TCF12: variants seen among roughly 807,000 people sequenced by gnomAD.
TCF12 encodes the protein DNA-binding protein HTF4.
TCF12 carries 45 observed loss-of-function variants against 86.0 expected under a neutral mutation model. The ratio of observed to expected loss-of-function variants is 0.52; its 90% CI spans 0.41 to 0.67. The LOEUF (loss-of-function observed/expected upper bound fraction) is 0.67, where lower values mean the gene tolerates loss of function less well. TCF12 is among the 30% of genes least tolerant of loss of function. The pLI is 0.00. For synonymous variants in TCF12, 330 were observed against 299.6 expected (o/e 1.10, Z -1.05); for missense variants, 881 against 859.9 (o/e 1.02, Z -0.31).
At chr15:56,918,322 G>C (rs952502310), upstream of TCF12, 2 of 452,602 alleles carry the variant, frequency 4.4e-6, no homozygotes, top group Non-Finnish European at 8.9e-6. Context: ...TTCGGGGGCC[G>C]AGAACCAGCA....
intron 12 of TCF12, among the ~76,000 whole-genome samples, chr15:57,236,028 G>C (rs549361354): frequency 6.6e-6 from 1 of 152,186 alleles, no homozygotes; most frequent in African/African-American, 2.4e-5. Flanking sequence ...AATCTAGTTA[G>C]TGGGTGGGCT....
rs1011719310 is a variant in TCF12 at position 57,163,341 on chromosome 15, G to A, written c.326-3061G>A. Reference sequence around the variant, plus strand: ...ATACATGTCATGCTGACTAATTGACGTAGAAGTTTTACAACTCTAAATCTG... The same window carrying A: ...ATACATGTCATGCTGACTAATTGACATAGAAGTTTTACAACTCTAAATCTG... On this transcript the variant is annotated intron_variant, in intron 5 of 20. Transcript: ENST00000333725. Among the ~76,000 whole-genome samples, 9 of 152,060 alleles carry A rather than the reference G, an allele frequency of 5.9e-5. No homozygotes were observed. In the South Asian group the frequency reaches 6.2e-4, roughly 11 times the overall value.
chr15:57,030,185 G>A (rs1312746067), intron 3 of TCF12, among the ~76,000 whole-genome samples: 2 of 151,944 alleles, frequency 1.3e-5, no homozygotes, highest in African/African-American at 2.4e-5. Context: ...TAATTGAGTC[G>A]TGGTCTTGCT....
At chr15:57,068,273 A>T (rs754374940) in intron 4 of TCF12, among the ~76,000 whole-genome samples, 39 of 152,142 alleles carry the variant, frequency 2.6e-4, no homozygotes, top group Non-Finnish European at 5.4e-4. Context: ...TCAATGTCTG[A>T]TATGTGGTGA....
intron 3 of TCF12, among the ~76,000 whole-genome samples, chr15:56,976,726 C>T (rs753167386): frequency 6.6e-6 from 1 of 152,006 alleles, no homozygotes; most frequent in African/African-American, 2.4e-5. Context: ...ACAGTTGAAT[C>T]TTAATCAGAT....
chr15:57,152,219 A>ATATTT (rs2053813032), intron 5 of TCF12, among the ~76,000 whole-genome samples: 2 of 152,188 alleles, frequency 1.3e-5, no homozygotes, highest in African/African-American at 2.4e-5. Flanking sequence ...TAAATATACT[A>ATATTT]CTGTTCTACC....
intron 5 of TCF12, among the ~76,000 whole-genome samples, chr15:57,129,161 G>A (rs1293307884): frequency 6.6e-6 from 1 of 152,180 alleles, no homozygotes; most frequent in Non-Finnish European, 1.5e-5. Context: ...AACTTATGAA[G>A]GTTCCAGTTT....
intron 3 of TCF12, among the ~76,000 whole-genome samples, chr15:57,009,874 G>A (rs2064714456): frequency 6.6e-6 from 1 of 152,072 alleles, no homozygotes. Context: ...ATAACATAAA[G>A]CTCTGTGTGA....
At chr15:57,166,051 C>A (rs1290422765) in intron 5 of TCF12, among the ~76,000 whole-genome samples, 1 of 152,188 alleles carries the variant, frequency 6.6e-6, no homozygotes. Flanking sequence ...CCTCAGCCTC[C>A]TGAGTAGCTG....
intron 8 of TCF12, among the ~76,000 whole-genome samples, chr15:57,205,119 C>T (rs962532351): frequency 2.0e-5 from 3 of 151,940 alleles, no homozygotes; most frequent in African/African-American, 7.3e-5. Context: ...TCGAGATCTG[C>T]CTAGCCAACA....
rs1342153770 is a variant in TCF12, at chr15:57,170,745, T to TAATA, written c.390+4279_390+4280insAATA. On this transcript the variant is annotated intron_variant, in intron 6 of 20. Transcript: ENST00000333725. ...TATTATATATTATATATAATATATA[T>TAATA]TATATATTATATATTATATATATAT... 9.5e-5 allele frequency among the ~76,000 whole-genome samples: 3 copies of TAATA among 31,448 alleles called. No individual in the cohort carries two copies. The South Asian group carries it at 1.9e-3, about 20-fold the overall frequency. The allele number at this position is 31,448 out of a possible 152,430, so 20.6% of individuals were successfully genotyped here. A position where few individuals can be genotyped will look rare whatever the true frequency, so the allele number is the denominator to read the frequency against.
intron 5 of TCF12, among the ~76,000 whole-genome samples, chr15:57,127,912 G>T (rs1411361056): frequency 7.9e-5 from 12 of 152,104 alleles, no homozygotes; most frequent in African/African-American, 2.9e-4. Flanking sequence ...TACTGTCCCT[G>T]GACATCGGAA....
intron 3 of TCF12, among the ~76,000 whole-genome samples, chr15:56,978,661 A>G (rs1218500627): frequency 2.0e-5 from 3 of 152,188 alleles, no homozygotes; most frequent in Non-Finnish European, 2.9e-5. Context: ...TTAGTAGTCA[A>G]TAAGAATAGT....
chr15:56,974,357 A>G (rs1285776062), intron 3 of TCF12, among the ~76,000 whole-genome samples: 1 of 152,126 alleles, frequency 6.6e-6, no homozygotes, highest in Non-Finnish European at 1.5e-5. Context: ...AGGATAAAGT[A>G]ATTGTGGTAA....
chr15:56,955,096 G>C (rs1445542054), intron 3 of TCF12, among the ~76,000 whole-genome samples: 1 of 152,166 alleles, frequency 6.6e-6, no homozygotes, highest in African/African-American at 2.4e-5. Context: ...AAAGACACAT[G>C]CACACGTATG....
At chr15:57,275,937 C>G (rs2061377222) in intron 19 of TCF12, among the ~76,000 whole-genome samples, 1 of 152,184 alleles carries the variant, frequency 6.6e-6, no homozygotes, top group South Asian at 2.1e-4. Context: ...CTGTCAAACC[C>G]TAAGTCCCCA....
chr15:57,277,462 C>A (rs1165927499), intron 19 of TCF12, among the ~76,000 whole-genome samples: 1 of 151,614 alleles, frequency 6.6e-6, no homozygotes, highest in Non-Finnish European at 1.5e-5. Flanking sequence ...AACCCCATCT[C>A]TACTAAAAAT....
intron 8 of TCF12, among the ~76,000 whole-genome samples, chr15:57,207,177 C>T (rs1461684820): frequency 6.6e-6 from 1 of 152,108 alleles, no homozygotes; most frequent in Non-Finnish European, 1.5e-5. Flanking sequence ...GGTTCCAACC[C>T]AAGTGTGACT....
At chr15:56,918,403 C>G (rs1208708076), upstream of TCF12, 1 of 367,984 alleles carries the variant, frequency 2.7e-6, no homozygotes, top group Non-Finnish European at 5.5e-6. Context: ...GCTTCGTCGG[C>G]GAGCGGTCGG....
Sources: allele counts gnomAD v4.1 joint callset (sites outside exome capture counted in the v4.1 genomes callset), GRCh38; gene constraint gnomAD v4.1.1; transcripts MANE v1.5; gene names NCBI Gene and HGNC (gene_info 2026-07-23, HGNC 2026-07-21).